LPAR3: variants seen among roughly 807,000 people sequenced by gnomAD.
The protein encoded by LPAR3 is lysophosphatidic acid receptor 3, also known as LPA receptor 3.
A neutral mutation model predicts 17.8 loss-of-function variants in LPAR3; 7 were observed. That is an observed-to-expected ratio of 0.39 (90% CI 0.22 to 0.74). LPAR3 has a LOEUF of 0.74. LPAR3 is among the 30% of genes least tolerant of loss of function. The pLI is 0.40. For synonymous variants in LPAR3, 179 were observed against 179.9 expected, an observed-to-expected ratio of 0.99 and a Z score of 0.04; for missense variants, 391 against 453.4, an observed-to-expected ratio of 0.86 and a Z score of 1.25.
chr1:84,863,013 G>C (rs1202793007), intron 2 of LPAR3, among the ~76,000 whole-genome samples: 1 of 151,386 alleles, frequency 6.6e-6, no homozygotes, highest in Non-Finnish European at 1.5e-5. Context: ...AAAATTCTAC[G>C]AAACCACATG....
intron 2 of LPAR3, among the ~76,000 whole-genome samples, chr1:84,857,389 A>T (rs1659849513): frequency 6.6e-6 from 1 of 152,182 alleles, no homozygotes; most frequent in Non-Finnish European, 1.5e-5. Flanking sequence ...AGATGAAAAA[A>T]CTAAGGCACA....
chr1:84,838,245 G>A (rs1315324292), intron 2 of LPAR3, among the ~76,000 whole-genome samples: 1 of 152,156 alleles, frequency 6.6e-6, no homozygotes, highest in Non-Finnish European at 1.5e-5. Flanking sequence ...ACTAGCCTCT[G>A]TGCATGAATG....
intron 2 of LPAR3, among the ~76,000 whole-genome samples, chr1:84,828,294 A>G (rs759036518): frequency 6.6e-6 from 1 of 152,282 alleles, no homozygotes; most frequent in Non-Finnish European, 1.5e-5. Context: ...AGGGGAAAAA[A>G]TTCGAATGGC....
At chr1:84,821,730 G>C (rs1659059412) in intron 2 of LPAR3, among the ~76,000 whole-genome samples, 1 of 152,146 alleles carries the variant, frequency 6.6e-6, no homozygotes, top group African/African-American at 2.4e-5. Flanking sequence ...ATCAGGATCT[G>C]AAAAAAGCAG....
chr1:84,824,716 G>A (rs143316082), intron 2 of LPAR3, among the ~76,000 whole-genome samples: 23 of 152,330 alleles, frequency 1.5e-4, no homozygotes, highest in African/African-American at 5.3e-4. Context: ...CCCAGATAGT[G>A]TTGGTTACTT....
chr1:84,834,484 T>C (rs1429229490), intron 2 of LPAR3, among the ~76,000 whole-genome samples: 2 of 152,196 alleles, frequency 1.3e-5, no homozygotes, highest in Non-Finnish European at 2.9e-5. Context: ...ACTGTTCCTA[T>C]GGGTCCATTT....
chr1:84,857,846 G>C (rs1659857949), intron 2 of LPAR3, among the ~76,000 whole-genome samples: 1 of 152,086 alleles, frequency 6.6e-6, no homozygotes, highest in Non-Finnish European at 1.5e-5. Context: ...TCCTCATCTG[G>C]TAATAACAGA....
At chr1:84,847,902 C>A (rs1659622376) in intron 2 of LPAR3, among the ~76,000 whole-genome samples, 1 of 152,226 alleles carries the variant, frequency 6.6e-6, no homozygotes, top group Non-Finnish European at 1.5e-5. Flanking sequence ...CATCTGTGGT[C>A]CCCGAATCTC....
rs774761348 is a variant in LPAR3 at position 84,873,754 on chromosome 1, G to GTTTT, written c.-18-7617_-18-7616insAAAA. On this transcript the variant is annotated intron_variant, in intron 1 of 2. Transcript: ENST00000370611. The stretch of plus-strand genomic sequence containing the variant: ...ACAGTTTTTTTTGTTTGTTTTGCTT[G>GTTTT]TTTGTTTTTTTTTTTTGAGACGAGT... Among the ~76,000 whole-genome samples the GTTTT allele has an allele frequency of 8.0e-5, 11 of 137,530 alleles. No homozygotes were observed. In the South Asian group the frequency reaches 8.6e-4, roughly 11 times the overall value. 90.2% of individuals were successfully genotyped at this position (137,530 alleles called of 152,430 possible).
In LPAR3 at chr1:84,813,869, C is replaced by G; in HGVS notation, c.1039G>C (p.Val347Leu). 2 of 1,613,730 alleles carry G rather than the reference C, an allele frequency of 1.2e-6. No homozygotes were observed. The highest frequency in any genetic ancestry group is 1.7e-6 in the Non-Finnish European group (2 of 1,179,700). Residue 347 changes from valine to leucine, a missense_variant, in exon 3 of 3, where the codon GTC becomes CTC. Transcript: ENST00000370611. ...GTTTAGGAAGTGCTTTTATTGCAGA[C>G]TGCACCTTGGCTAATACTATCCTCT... ...YIEDSISQGA[V>L]CNKSTS
intron 2 of LPAR3, among the ~76,000 whole-genome samples, chr1:84,842,436 C>G (rs1659520645): frequency 6.6e-6 from 1 of 152,198 alleles, no homozygotes; most frequent in South Asian, 2.1e-4. Context: ...GTTATGCAAG[C>G]TGAATTTTAA....
At chr1:84,852,164 C>T (rs892818779) in intron 2 of LPAR3, among the ~76,000 whole-genome samples, 1 of 151,556 alleles carries the variant, frequency 6.6e-6, no homozygotes, top group Admixed American at 6.6e-5. Context: ...GATTTTCCTG[C>T]CTCAGCCTCC....
At chr1:84,857,865 C>T (rs955097482) in intron 2 of LPAR3, among the ~76,000 whole-genome samples, 7 of 152,158 alleles carry the variant, frequency 4.6e-5, no homozygotes, top group African/African-American at 1.7e-4. Flanking sequence ...GAACTTCCCT[C>T]AAGGGTTGTC....
rs1658883161 is a variant in LPAR3 at position 84,814,144 on chromosome 1, C to T, written c.764G>A (p.Gly255Asp). 1.2e-6 allele frequency: 2 copies of T among 1,613,930 alleles called. No individual in the cohort carries two copies. Among genetic ancestry groups the T allele is most frequent in the Admixed American group, 1.7e-5 (1 of 59,990 alleles). Residue 255 changes from glycine (G) to aspartate (D), a missense_variant, in exon 3 of 3, where the codon GGC becomes GAC. Physicochemically the swap from Gly to Asp is moderately conservative, Grantham distance 94 (BLOSUM62 -1). Coordinates refer to ENST00000370611, the MANE Select transcript of LPAR3 (RefSeq NM_012152.3). ...GCCGTCGAGGAGCAGAACCACCAGG[C>T]CCGGGGTCCAGCATACCACAAACGC... ...LGAFVVCWTP[G>D]LVVLLLDGLN...
chr1:84,852,929 G>A (rs1050090597), intron 2 of LPAR3, among the ~76,000 whole-genome samples: 2 of 151,970 alleles, frequency 1.3e-5, no homozygotes, highest in Admixed American at 6.6e-5. Context: ...AGCTTACTAC[G>A]GTTTGAAGTA....
intron 1 of LPAR3, among the ~76,000 whole-genome samples, chr1:84,877,910 G>A (rs1660288370): frequency 6.6e-6 from 1 of 152,046 alleles, no homozygotes; most frequent in South Asian, 2.1e-4. Flanking sequence ...GTGTTAGTTA[G>A]TTGGTTACTT....
At chr1:84,859,811 A>C (rs1019795124) in intron 2 of LPAR3, among the ~76,000 whole-genome samples, 4 of 152,234 alleles carry the variant, frequency 2.6e-5, no homozygotes, top group African/African-American at 9.6e-5. Context: ...AAGACACTGC[A>C]AAATAAAGCA....
intron 2 of LPAR3, among the ~76,000 whole-genome samples, chr1:84,844,550 A>T (rs1659562758): frequency 6.6e-6 from 1 of 152,192 alleles, no homozygotes; most frequent in Admixed American, 6.5e-5. Context: ...ATGCTTGGAG[A>T]TGTATATAAA....
chr1:84,847,741 T>A (rs188478493), intron 2 of LPAR3, among the ~76,000 whole-genome samples: 1 of 152,300 alleles, frequency 6.6e-6, no homozygotes, highest in Admixed American at 6.5e-5. Context: ...GGACTTACCA[T>A]CACTCCAGAG....
Sources: gnomAD v4.1 joint callset for allele counts (sites outside exome capture counted in the v4.1 genomes callset) on GRCh38, gnomAD v4.1.1 for gene constraint, MANE v1.5 for transcripts, NCBI Gene and HGNC (gene_info 2026-07-23, HGNC 2026-07-21) for gene names.